RRAS2: variants seen among roughly 807,000 people sequenced by gnomAD.
The protein encoded by RRAS2 is ras-related protein R-Ras2.
Under a neutral mutation model 27.6 loss-of-function variants are expected in RRAS2, and 7 were observed. The ratio of observed to expected loss-of-function variants is 0.25; its 90% CI spans 0.14 to 0.48. The LOEUF (loss-of-function observed/expected upper bound fraction) is 0.48. RRAS2 is among the 20% of genes least tolerant of loss of function. RRAS2 has a pLI of 0.99. For synonymous variants in RRAS2, 86 were observed against 90.9 expected, an observed-to-expected ratio of 0.95 and a Z score of 0.31; for missense variants, 178 against 256.2, an observed-to-expected ratio of 0.69 and a Z score of 2.08.
rs1848489870 is a variant in RRAS2 at position 14,332,017 on chromosome 11, T to G, written c.108+26746A>C. On this transcript the variant is annotated intron_variant, in intron 1 of 5. Coordinates refer to ENST00000256196, the MANE Select transcript of RRAS2 (RefSeq NM_012250.6). Reference sequence around the variant, plus strand: ...ACCACAGCACAGCCATTAGATTGGCTAAAATACCCAGTATCGGTAAAGACC... The same window carrying G: ...ACCACAGCACAGCCATTAGATTGGCGAAAATACCCAGTATCGGTAAAGACC... Among the ~76,000 whole-genome samples the G allele has an allele frequency of 1.3e-5, 2 of 152,210 alleles. 1 individual carries two copies. Among genetic ancestry groups the G allele is most frequent in the South Asian group, 4.1e-4 (2 of 4,820 alleles).
chr11:14,356,653 CTT>C (rs1849079467), intron 1 of RRAS2: 1 of 389,546 alleles, frequency 2.6e-6, no homozygotes. Flanking sequence ...GGTTCATACT[CTT>C]TATGTACACA....
chr11:14,296,207 A>G (rs1370984329), intron 1 of RRAS2, among the ~76,000 whole-genome samples: 1 of 151,814 alleles, frequency 6.6e-6, no homozygotes, highest in Non-Finnish European at 1.5e-5. Context: ...AAATAAATAG[A>G]ATAAAAAATA....
At chr11:14,327,127 T>C (rs1305507244) in intron 1 of RRAS2, among the ~76,000 whole-genome samples, 3 of 152,120 alleles carry the variant, frequency 2.0e-5, no homozygotes, top group African/African-American at 7.2e-5. Flanking sequence ...AACTAAGTAG[T>C]CACTTGTTTA....
At chr11:14,355,979 T>G (rs1221843439) in intron 1 of RRAS2, among the ~76,000 whole-genome samples, 1 of 152,196 alleles carries the variant, frequency 6.6e-6, no homozygotes, top group Non-Finnish European at 1.5e-5. Flanking sequence ...AAAATTAATA[T>G]AAAAATGTAT....
At position 14,358,461 on chromosome 11, in the gene RRAS2, G is replaced by A. The variant is rs1049381437; in HGVS notation, c.108+302C>T. On this transcript the variant is annotated intron_variant, in intron 1 of 5. Coordinates refer to ENST00000256196, the MANE Select transcript of RRAS2 (RefSeq NM_012250.6). The surrounding 1 kb of genome is among the most constrained non-coding windows in gnomAD (Gnocchi z 5.1). ...GCTCGGTGGCCCAGCCTCTCCCGGA[G>A]GTCTCTGGCCTCGGCCAGAGCAATA... 1.0e-6 allele frequency: 1 copy of A among 985,376 alleles called. No homozygotes were observed. The highest frequency in any genetic ancestry group is 6.1e-5 in the Admixed American group (1 of 16,264). The allele number at this position is 985,376 out of a possible 1,614,324, so 61.0% of individuals were successfully genotyped here. A position where few individuals can be genotyped will look rare whatever the true frequency, so the allele number is the denominator to read the frequency against.
intron 1 of RRAS2, among the ~76,000 whole-genome samples, chr11:14,325,156 C>G (rs1171863593): frequency 6.6e-6 from 1 of 152,158 alleles, no homozygotes; most frequent in Non-Finnish European, 1.5e-5. Context: ...TCTGAGCCCT[C>G]AAACTTACCC....
At chr11:14,291,056 A>G (rs1849800734) in intron 4 of RRAS2, among the ~76,000 whole-genome samples, 1 of 152,196 alleles carries the variant, frequency 6.6e-6, no homozygotes, top group African/African-American at 2.4e-5. Context: ...ACAGATGAAC[A>G]GTTTATCCAT....
At chr11:14,313,267 G>A (rs1848018257) in intron 1 of RRAS2, among the ~76,000 whole-genome samples, 2 of 152,156 alleles carry the variant, frequency 1.3e-5, no homozygotes, top group Admixed American at 1.3e-4. Flanking sequence ...GTCTGTATGT[G>A]CTCAGCCTAA....
At chr11:14,293,293 T>C (rs1469192430) in intron 4 of RRAS2, among the ~76,000 whole-genome samples, 1 of 151,468 alleles carries the variant, frequency 6.6e-6, no homozygotes, top group Non-Finnish European at 1.5e-5. Context: ...TTTTTCCTGA[T>C]GTTTACACTT....
chr11:14,337,227 A>G (rs1848606094), intron 1 of RRAS2: 2 of 152,210 alleles, frequency 1.3e-5, no homozygotes, highest in Non-Finnish European at 2.9e-5. Context: ...GCCTGATGAA[A>G]TCTCACACCA....
At chr11:14,350,116 T>C (rs868927229) in intron 1 of RRAS2, among the ~76,000 whole-genome samples, 3 of 152,334 alleles carry the variant, frequency 2.0e-5, no homozygotes, top group Middle Eastern at 6.8e-3. Context: ...AATACATACG[T>C]ATTTTCTTAT....
chr11:14,291,450 G>C lies in RRAS2; in HGVS notation c.408+3021C>G, dbSNP rs137901502. Among the ~76,000 whole-genome samples, 394 of 152,224 alleles carry C rather than the reference G, an allele frequency of 2.6e-3. 3 individuals are homozygous for C. Among genetic ancestry groups the C allele is most frequent in the African/African-American group, 9.0e-3 (372 of 41,526 alleles). On this transcript the variant is annotated intron_variant, in intron 4 of 5. Transcript: ENST00000256196. ...AGAGTAGACGCCATATAAATGAGCA[G>C]AAAACTAAGCAATCAGATTTCAGGC... is the stretch of plus-strand genomic sequence containing the variant.
At chr11:14,316,029 CA>C (rs143019979) in intron 1 of RRAS2, among the ~76,000 whole-genome samples, 2 of 151,546 alleles carry the variant, frequency 1.3e-5, no homozygotes. Context: ...AATAAAAAGA[CA>C]AAAAAAACGT....
At chr11:14,348,636 G>C (rs1195009250) in intron 1 of RRAS2, among the ~76,000 whole-genome samples, 2 of 152,086 alleles carry the variant, frequency 1.3e-5, no homozygotes, top group Non-Finnish European at 2.9e-5. Flanking sequence ...TCAGTCAATG[G>C]GAGTTTTGCC....
intron 1 of RRAS2, among the ~76,000 whole-genome samples, chr11:14,305,592 T>C (rs1847811749): frequency 1.3e-5 from 2 of 152,138 alleles, no homozygotes; most frequent in African/African-American, 4.8e-5. Flanking sequence ...TCTGAAAACA[T>C]TCTAAGTACA....
intron 4 of RRAS2, among the ~76,000 whole-genome samples, chr11:14,294,033 GA>G (rs556255389): frequency 1.3e-5 from 2 of 152,190 alleles, no homozygotes; most frequent in South Asian, 4.2e-4. Context: ...AAGTGACTTA[GA>G]AAAAAATCCA....
Position 14,349,630 on chromosome 11 carries a change from G to A in RRAS2, c.108+9133C>T, listed in dbSNP as rs146920633. ...TATATTTACTTATTTGCTTATAACAGTATAGACAATTGCTTCAAAATTGCA... is the reference window on the plus strand; with the variant it reads ...TATATTTACTTATTTGCTTATAACAATATAGACAATTGCTTCAAAATTGCA... On this transcript the variant is annotated intron_variant, in intron 1 of 5. Transcript: ENST00000256196. 3.7e-3 allele frequency among the ~76,000 whole-genome samples: 562 copies of A among 152,132 alleles called. 1 individual carries two copies. The highest frequency in any genetic ancestry group is 5.6e-3 in the Non-Finnish European group (379 of 67,982).
At chr11:14,361,101 C>T (rs1849186074), upstream of RRAS2, among the ~76,000 whole-genome samples, 1 of 151,940 alleles carries the variant, frequency 6.6e-6, no homozygotes, top group African/African-American at 2.4e-5. Flanking sequence ...ACCAGCCTGG[C>T]CAACATGCCA....
intron 1 of RRAS2, among the ~76,000 whole-genome samples, chr11:14,320,543 A>G (rs1221449856): frequency 2.0e-5 from 3 of 152,202 alleles, no homozygotes; most frequent in Non-Finnish European, 4.4e-5. Context: ...AGTTTTTCCT[A>G]TGGAAACTCA....
Sources: allele counts gnomAD v4.1 joint callset (sites outside exome capture counted in the v4.1 genomes callset), GRCh38; gene constraint gnomAD v4.1.1; non-coding constraint Gnocchi (gnomAD v3.1); transcripts MANE v1.5; gene names NCBI Gene and HGNC (gene_info 2026-07-23, HGNC 2026-07-21).